Variants in EXOC6B observed in about 807,000 individuals in gnomAD.
The protein encoded by EXOC6B is exocyst complex component 6B.
A neutral mutation model predicts 113.5 loss-of-function variants in EXOC6B; 54 were observed. That is an observed-to-expected ratio of 0.48 (90% confidence interval 0.38 to 0.60). The LOEUF is 0.60. Among genes scored for constraint, EXOC6B ranks in the 20% least tolerant of loss-of-function variants. EXOC6B has a pLI of 0.00. For missense variants in EXOC6B, 797 were observed against 977.5 expected (o/e 0.82, Z 2.46); for synonymous variants, 357 against 339.0 (o/e 1.05, Z -0.58).
chr2:72,298,311 CT>C (rs1222559075), intron 20 of EXOC6B, among the ~76,000 whole-genome samples: 3 of 150,870 alleles, frequency 2.0e-5, no homozygotes, highest in East Asian at 1.9e-4. Flanking sequence ...GCAACCCCTG[CT>C]TTTTTTTTAA....
chr2:72,545,394 A>G (rs1348237222), intron 8 of EXOC6B, among the ~76,000 whole-genome samples: 1 of 152,150 alleles, frequency 6.6e-6, no homozygotes, highest in Non-Finnish European at 1.5e-5. Context: ...AATACACCCA[A>G]TCCTTCAGAT....
At chr2:72,472,627 A>T (rs190606156) in intron 17 of EXOC6B, among the ~76,000 whole-genome samples, 5 of 152,152 alleles carry the variant, frequency 3.3e-5, no homozygotes, top group Middle Eastern at 3.4e-3. Flanking sequence ...GTTGTTATCA[A>T]TTTTACCTTT....
At chr2:72,739,804 A>T (rs1681191063) in intron 2 of EXOC6B, among the ~76,000 whole-genome samples, 1 of 152,142 alleles carries the variant, frequency 6.6e-6, no homozygotes, top group Non-Finnish European at 1.5e-5. Flanking sequence ...AGCAACTGAG[A>T]GGGGTACTAT....
intron 6 of EXOC6B, among the ~76,000 whole-genome samples, chr2:72,624,768 C>T (rs1383607607): frequency 6.6e-6 from 1 of 152,076 alleles, no homozygotes; most frequent in Non-Finnish European, 1.5e-5. Flanking sequence ...ACAACAACAA[C>T]AACAAAAAGC....
chr2:72,689,069 A>G (rs941530145), intron 6 of EXOC6B, among the ~76,000 whole-genome samples: 2 of 152,208 alleles, frequency 1.3e-5, no homozygotes, highest in Non-Finnish European at 2.9e-5. Flanking sequence ...AACTTCCAAA[A>G]CATAATGTTT....
intron 11 of EXOC6B, among the ~76,000 whole-genome samples, chr2:72,503,280 T>C (rs529194867): frequency 6.6e-6 from 1 of 152,292 alleles, no homozygotes; most frequent in Non-Finnish European, 1.5e-5. Context: ...AATTGATATG[T>C]TCCACCATCA....
intron 18 of EXOC6B, among the ~76,000 whole-genome samples, chr2:72,415,427 A>AAAAC (rs934614067): frequency 7.9e-5 from 12 of 152,166 alleles, no homozygotes; most frequent in African/African-American, 2.7e-4. Flanking sequence ...AAACAAACAG[A>AAAAC]AAACACCTAT....
chr2:72,814,544 T>C (rs986608427), intron 1 of EXOC6B, among the ~76,000 whole-genome samples: 13 of 152,230 alleles, frequency 8.5e-5, no homozygotes, highest in African/African-American at 2.9e-4. Context: ...GTTAGTTGCA[T>C]TGTGATGGTT....
intron 8 of EXOC6B, among the ~76,000 whole-genome samples, chr2:72,541,714 G>A (rs1252211375): frequency 6.6e-6 from 1 of 152,138 alleles, no homozygotes; most frequent in Admixed American, 6.5e-5. Flanking sequence ...TGGTGAGGAG[G>A]CAGGTGTAGG....
At chr2:72,481,578 A>G (rs1293056612) in intron 16 of EXOC6B, among the ~76,000 whole-genome samples, 1 of 152,264 alleles carries the variant, frequency 6.6e-6, no homozygotes, top group African/African-American at 2.4e-5. Flanking sequence ...AATAAACTAC[A>G]TCAGTTTGTG....
At chr2:72,366,248 T>C (rs535956393) in intron 19 of EXOC6B, among the ~76,000 whole-genome samples, 5 of 149,888 alleles carry the variant, frequency 3.3e-5, no homozygotes, top group Admixed American at 1.3e-4. Flanking sequence ...ATGGAAGATA[T>C]CAAAAAGAAC....
chr2:72,609,160 C>A (rs1017573245), intron 6 of EXOC6B, among the ~76,000 whole-genome samples: 1 of 151,996 alleles, frequency 6.6e-6, no homozygotes, highest in Admixed American at 6.6e-5. Flanking sequence ...GATCACAATA[C>A]CCTGTTGGAA....
At chr2:72,273,526 C>T (rs924544965) in intron 20 of EXOC6B, among the ~76,000 whole-genome samples, 3 of 152,138 alleles carry the variant, frequency 2.0e-5, no homozygotes, top group African/African-American at 4.8e-5. Context: ...GGGCCAGTCC[C>T]TCCCTGGGAG....
intron 20 of EXOC6B, among the ~76,000 whole-genome samples, chr2:72,308,268 T>C (rs2104780424): frequency 6.6e-6 from 1 of 152,272 alleles, no homozygotes; most frequent in African/African-American, 2.4e-5. Context: ...CTACCTCCTT[T>C]CCATGACAGT....
intron 17 of EXOC6B, among the ~76,000 whole-genome samples, chr2:72,474,591 C>A (rs948001946): frequency 9.2e-5 from 14 of 151,804 alleles, no homozygotes; most frequent in African/African-American, 3.1e-4. Context: ...TTCTTCAGTT[C>A]CATAATTTAT....
rs1687724609 is a variant in EXOC6B, at chr2:72,319,476, A to G, written c.2196+15471T>C. Among the ~76,000 whole-genome samples the G allele has an allele frequency of 7.2e-5, 11 of 152,320 alleles. No homozygotes were observed. The South Asian group carries it at 2.3e-3, about 32-fold the overall frequency. The stretch of plus-strand genomic sequence containing the variant: ...ACTGTTTTTATTCACAGATGCTGTA[A>G]TTGTCCACCTATAAACTCCCCAAAA... On this transcript the variant is annotated intron_variant, in intron 20 of 21. Transcript: ENST00000272427.
intron 1 of EXOC6B, among the ~76,000 whole-genome samples, chr2:72,787,755 T>C (rs1684456557): frequency 6.6e-6 from 1 of 152,092 alleles, no homozygotes; most frequent in South Asian, 2.1e-4. Flanking sequence ...GCCTCCCAAA[T>C]AGCTGGGACT....
chr2:72,812,031 A>C (rs916107436), intron 1 of EXOC6B, among the ~76,000 whole-genome samples: 5 of 152,196 alleles, frequency 3.3e-5, no homozygotes, highest in African/African-American at 1.2e-4. Context: ...ATAGTCCTAG[A>C]TGTTCTAGCC....
chr2:72,419,315 TAA>T (rs199553463), intron 18 of EXOC6B, among the ~76,000 whole-genome samples: 1 of 152,208 alleles, frequency 6.6e-6, no homozygotes, highest in East Asian at 1.9e-4. Flanking sequence ...AAATCATATC[TAA>T]AACAAAAAGC....
Sources: gnomAD v4.1 joint callset for allele counts (sites outside exome capture counted in the v4.1 genomes callset) on GRCh38, gnomAD v4.1.1 for gene constraint, MANE v1.5 for transcripts, NCBI Gene and HGNC (gene_info 2026-07-23, HGNC 2026-07-21) for gene names.